Variants in GOLGA3 observed in about 807,000 individuals in gnomAD.
GOLGA3 encodes golgin A3, also known as golgin subfamily A member 3.
In GOLGA3, 75 loss-of-function variants were observed where a neutral mutation model predicts 169.4. The observed-to-expected ratio is 0.44, with a 90% confidence interval of 0.37 to 0.54. The LOEUF (loss-of-function observed/expected upper bound fraction) is 0.54, where lower values mean the gene tolerates loss of function less well. Among genes scored for constraint, GOLGA3 ranks in the 20% least tolerant of loss-of-function variants. GOLGA3 has a pLI of 0.00. For missense variants in GOLGA3, 1,899 were observed against 1,930.0 expected, an observed-to-expected ratio of 0.98 and a Z score of 0.30; for synonymous variants, 824 against 822.4, an observed-to-expected ratio of 1.00 and a Z score of -0.03.
At position 132,822,134 on chromosome 12, in the gene GOLGA3, GGAC is replaced by G. The variant is rs771823654; in HGVS notation, c.-9_-7del. ...TCGGCCGACGCGCCGTCCATGGTCA[GGAC>G]GACACCAGCTGAGCTGACGCTGAGG... On this transcript the variant is annotated 5_prime_UTR_variant, in exon 2 of 24. Transcript: ENST00000450791. 4 of 1,600,342 alleles carry G rather than the reference GGAC, an allele frequency of 2.5e-6. No homozygotes were observed. The highest frequency in any genetic ancestry group is 2.2e-5 in the South Asian group (2 of 89,750).
Position 132,816,737 on chromosome 12 carries a change from CCG to C in GOLGA3, c.207_208del (p.Asn69LysfsTer23). ...AGGGTCTGGGAAGGGTGGCGTTGGCCCGTTCTGACAGAGGCCTCCCTGGCCAG... is the reference window on the plus strand; with the variant it reads ...AGGGTCTGGGAAGGGTGGCGTTGGCCTTCTGACAGAGGCCTCCCTGGCCAG... On this transcript the variant is annotated frameshift_variant, in exon 3 of 24. Transcript: ENST00000450791. LOFTEE classifies it high-confidence loss of function. The C allele has an allele frequency of 1.9e-6, 3 of 1,613,788 alleles. No individual in the cohort carries two copies. Among genetic ancestry groups the C allele is most frequent in the Non-Finnish European group, 2.5e-6 (3 of 1,179,774 alleles).
chr12:132,807,349 C>T, intron 5 of GOLGA3, 61 bp from the exon 6 acceptor site: 3 of 850,094 alleles, frequency 3.5e-6, no homozygotes, highest in Non-Finnish European at 5.5e-6. Flanking sequence ...TCACACTCCT[C>T]CACATTCTCC....
At position 132,777,217 on chromosome 12, in the gene GOLGA3, G is replaced by C; in HGVS notation, c.3723-127C>G. The C allele has an allele frequency of 3.0e-6, 3 of 1,009,614 alleles. No individual in the cohort carries two copies. The highest frequency in any genetic ancestry group is 4.3e-6 in the Non-Finnish European group (3 of 698,606). 62.5% of individuals were successfully genotyped at this position (1,009,614 alleles called of 1,614,324 possible). On this transcript the variant is annotated intron_variant, in intron 19 of 23. Transcript: ENST00000450791. The surrounding 1 kb of genome is among the most constrained non-coding windows in gnomAD (Gnocchi z 4.7). ...GGCCCTCTGCTGTGCACTGCGTGCT[G>C]CAGCCATGCTTGGTGCCCACAGTGT...
intron 22 of GOLGA3, 41 bp from the exon 23 acceptor site, chr12:132,774,361 T>TC (rs1254262379): frequency 6.2e-7 from 1 of 1,602,962 alleles, no homozygotes; most frequent in Non-Finnish European, 8.5e-7. Context: ...CACCGTCCCC[T>TC]CCCTCGGGTC....
intron 2 of GOLGA3, among the ~76,000 whole-genome samples, chr12:132,818,835 C>G (rs1189230905): frequency 6.6e-6 from 1 of 152,092 alleles, no homozygotes; most frequent in Non-Finnish European, 1.5e-5. Context: ...AACCGCGCTT[C>G]TGCTTGATGA....
intron 10 of GOLGA3, 106 bp downstream of exon 10, chr12:132,796,433 G>T: frequency 4.5e-6 from 6 of 1,329,994 alleles, no homozygotes; most frequent in Non-Finnish European, 6.1e-6. Flanking sequence ...CCACCTGAGC[G>T]GACGTGGCCC....
chr12:132,781,054 T>C, intron 17 of GOLGA3, 140 bp from the exon 18 acceptor site: 1 of 651,710 alleles, frequency 1.5e-6, no homozygotes, highest in Non-Finnish European at 2.7e-6. Flanking sequence ...CTGAAGAATC[T>C]GTGACAAAAA....
Position 132,807,223 on chromosome 12 carries a change from A to G in GOLGA3, c.1244T>C (p.Met415Thr). The G allele has an allele frequency of 6.2e-7, 1 of 1,605,476 alleles. No individual in the cohort carries two copies. Among genetic ancestry groups the G allele is most frequent in the Non-Finnish European group, 8.5e-7 (1 of 1,175,514 alleles). ...EEMLQVLKEK[M>T]RLEGQLEALS... ...GGCTTCCAGCTGTCCTTCGAGTCGC[A>G]TTTTCTCTTTGAGCACCTGCAGCAT... Residue 415 changes from methionine (M) to threonine (T), a missense_variant, in exon 6 of 24, where the codon ATG becomes ACG. By Grantham distance (81) the Met-to-Thr change is moderately conservative. Coordinates refer to ENST00000450791, the MANE Select transcript of GOLGA3 (RefSeq NM_001389683.1).
Position 132,801,907 on chromosome 12 carries a change from G to A in GOLGA3, c.1660C>T (p.Arg554Trp), listed in dbSNP as rs923099540. The change falls in exon 8 of 24, where the codon CGG (arginine) becomes TGG (tryptophan). Residue 554 changes from arginine (R) to tryptophan (W), a missense_variant. Transcript: ENST00000450791. ...TTCAGCTTGCTGGTCAGCGTCGTCC[G>A]CTCCAGCTGCACCTGCTGAAGCTGG... ...QSQLQQVQLE[R>W]TTLTSKLKAS... 11 of 1,602,256 alleles carry A rather than the reference G, an allele frequency of 6.9e-6. No homozygotes were observed. Among genetic ancestry groups the A allele is most frequent in the Middle Eastern group, 1.6e-4 (1 of 6,084 alleles).
intron 2 of GOLGA3, among the ~76,000 whole-genome samples, chr12:132,821,433 G>A (rs569499038): frequency 3.3e-5 from 5 of 151,726 alleles, no homozygotes; most frequent in African/African-American, 1.2e-4. Flanking sequence ...TAGAATTTTA[G>A]GCAGGGAACA....
chr12:132,808,833 C>A (rs2136622557), intron 4 of GOLGA3, among the ~76,000 whole-genome samples: 1 of 152,316 alleles, frequency 6.6e-6, no homozygotes, highest in East Asian at 1.9e-4. Flanking sequence ...CCAGCAAGTA[C>A]CTCCTCATCA....
At chr12:132,778,835 C>T (rs2045391919) in intron 18 of GOLGA3, among the ~76,000 whole-genome samples, 1 of 149,770 alleles carries the variant, frequency 6.7e-6, no homozygotes, top group Non-Finnish European at 1.5e-5. Flanking sequence ...GCAGAGGTTA[C>T]AGTGAACCAA....
At chr12:132,813,190 C>A in intron 4 of GOLGA3, 117 bp downstream of exon 4, 1 of 692,314 alleles carries the variant, frequency 1.4e-6, no homozygotes. Context: ...TGCTTGTTGC[C>A]CCTGAGCCCA....
chr12:132,801,631 C>T (rs1242754327), intron 8 of GOLGA3, 136 bp downstream of exon 8: 13 of 805,126 alleles, frequency 1.6e-5, no homozygotes, highest in Middle Eastern at 2.4e-4. Flanking sequence ...ACATGGGACA[C>T]GGGGTGGGCT....
In GOLGA3 at chr12:132,807,908, T is replaced by C. The variant is rs553854826; in HGVS notation, c.1161A>G (p.Arg387=). The change falls in exon 5 of 24, where the codon AGA becomes AGG. Residue 387 remains arginine, a synonymous_variant. Transcript: ENST00000450791. The stretch of plus-strand genomic sequence containing the variant: ...CCCACCACCTGCTGCAGATGCTGTC[T>C]CTCCGACTCCGCACCTCCCCGTTGA... The part of the protein sequence containing the change: ...QEVNGEVRSR[R]DSICSSVSLE... 1 of 1,575,118 alleles carries C rather than the reference T, an allele frequency of 6.3e-7. No homozygotes were observed. Among genetic ancestry groups the C allele is most frequent in the East Asian group, 2.4e-5 (1 of 41,498 alleles).
chr12:132,799,220 C>A (rs1231298259), intron 8 of GOLGA3, among the ~76,000 whole-genome samples: 1 of 152,158 alleles, frequency 6.6e-6, no homozygotes, highest in African/African-American at 2.4e-5. Context: ...TGTTTCGAGA[C>A]CATGAAAGCA....
In GOLGA3 at chr12:132,771,720, T is replaced by C. The variant is rs925414087; in HGVS notation, c.*1385A>G. ...TGCTCCTACACACGAGTACAGGCGC[T>C]CCCACAGACAATGGTAAAGATTTTC... On this transcript the variant is annotated 3_prime_UTR_variant, in exon 24 of 24. Transcript: ENST00000450791. The C allele has an allele frequency of 6.6e-6, 1 of 152,176 alleles. No homozygotes were observed. The highest frequency in any genetic ancestry group is 1.5e-5 in the Non-Finnish European group (1 of 68,038). The allele number at this position is 152,176 out of a possible 1,614,324, so 9.4% of individuals were successfully genotyped here.
chr12:132,812,081 G>A (rs994587611), intron 4 of GOLGA3, among the ~76,000 whole-genome samples: 3 of 150,464 alleles, frequency 2.0e-5, no homozygotes, highest in East Asian at 3.9e-4. Flanking sequence ...CCAGTTACTC[G>A]GGAGGCTGAG....
At chr12:132,787,166 C>G (rs1184030354) in intron 13 of GOLGA3, among the ~76,000 whole-genome samples, 1 of 152,038 alleles carries the variant, frequency 6.6e-6, no homozygotes, top group Non-Finnish European at 1.5e-5. Context: ...ATTGGTCAGG[C>G]TAGTCTTGAA....
Sources: allele counts gnomAD v4.1 joint callset (sites outside exome capture counted in the v4.1 genomes callset), GRCh38; gene constraint gnomAD v4.1.1; non-coding constraint Gnocchi (gnomAD v3.1); transcripts MANE v1.5; gene names NCBI Gene and HGNC (gene_info 2026-07-23, HGNC 2026-07-21).